Variants in FAIM2 observed in about 807,000 individuals in gnomAD.
The protein encoded by FAIM2 is protein lifeguard 2.
In FAIM2, 27 loss-of-function variants were observed where a neutral mutation model predicts 47.4. The observed-to-expected ratio is 0.57, with a 90% CI of 0.42 to 0.78. The LOEUF (loss-of-function observed/expected upper bound fraction) is 0.78. FAIM2 is among the 30% of genes least tolerant of loss of function. The pLI is 0.00. For missense variants in FAIM2, 311 were observed against 389.4 expected (o/e 0.80, Z 1.69); for synonymous variants, 156 against 159.3 (o/e 0.98, Z 0.16).
chr12:49,900,955 G>C (rs1308418686), intron 2 of FAIM2, among the ~76,000 whole-genome samples, 175 bp downstream of exon 2: 1 of 152,122 alleles, frequency 6.6e-6, no homozygotes, highest in Non-Finnish European at 1.5e-5. Flanking sequence ...TGTTTTCATG[G>C]AGTTGTCTCT....
intron 8 of FAIM2, 54 bp downstream of exon 8, chr12:49,890,063 C>T: frequency 6.3e-7 from 1 of 1,575,662 alleles, no homozygotes; most frequent in Non-Finnish European, 8.7e-7. Context: ...GTGGCTGGTG[C>T]CTGGCTCCAA....
In FAIM2 at chr12:49,897,901, C is replaced by T. The variant is rs1946950487; in HGVS notation, c.315+86G>A. The T allele has an allele frequency of 2.4e-5, 25 of 1,027,820 alleles. No homozygotes were observed. In the South Asian group the frequency reaches 3.1e-4, roughly 13 times the overall value. The allele number at this position is 1,027,820 out of a possible 1,614,324, so 63.7% of individuals were successfully genotyped here. On this transcript the variant is annotated intron_variant, in intron 3 of 11. Coordinates refer to ENST00000320634, the MANE Select transcript of FAIM2 (RefSeq NM_012306.4). ...CAAGAGAAGGGGGCAGGGATGGCTT[C>T]TGCAGGCAGAGGGTTGGGCCAGGGA...
Position 49,878,724 on chromosome 12 carries a change from C to G in FAIM2, c.802-8071G>C, listed in dbSNP as rs1306889856. Among the ~76,000 whole-genome samples, 77 of 83,198 alleles carry G rather than the reference C, an allele frequency of 9.3e-4. 7 individuals are homozygous for G. The highest frequency in any genetic ancestry group is 5.7e-3 in the African/African-American group (74 of 12,886). The allele number at this position is 83,198 out of a possible 152,430, so 54.6% of individuals were successfully genotyped here. On this transcript the variant is annotated intron_variant, in intron 11 of 11. Transcript: ENST00000320634. The stretch of plus-strand genomic sequence containing the variant: ...CATGTGTGCATATATGCGTGTGTGT[C>G]TGTGTGCATGTGAGTGTATATGCAT...
At chr12:49,875,434 G>C (rs1946729635) in intron 11 of FAIM2, among the ~76,000 whole-genome samples, 3 of 152,106 alleles carry the variant, frequency 2.0e-5, no homozygotes, top group Non-Finnish European at 4.4e-5. Context: ...AGGGTGAGGG[G>C]GTGAGGGAGT....
chr12:49,894,976 T>C (rs1946925743), intron 5 of FAIM2, among the ~76,000 whole-genome samples: 2 of 152,072 alleles, frequency 1.3e-5, no homozygotes, highest in South Asian at 4.2e-4. Context: ...GAGCACATGA[T>C]GTGTTGCAGG....
chr12:49,867,704 G>C lies in FAIM2; in HGVS notation c.*2800C>G, dbSNP rs1008722888. 6.6e-6 allele frequency: 1 copy of C among 152,274 alleles called. No homozygotes were observed. The highest frequency in any genetic ancestry group is 2.4e-5 in the African/African-American group (1 of 41,434). 9.4% of individuals were successfully genotyped at this position (152,274 alleles called of 1,614,324 possible). On this transcript the variant is annotated 3_prime_UTR_variant, in exon 12 of 12. Coordinates refer to ENST00000320634, the MANE Select transcript of FAIM2 (RefSeq NM_012306.4). ...AGGCCAAAAATGTGAAGGGCCTGCA[G>C]ACTCCCTTCCTCCTTTACAGCTTGT...
In FAIM2 at chr12:49,901,319, C is replaced by T. The variant is rs768120771; in HGVS notation, c.22G>A (p.Val8Met). The T allele has an allele frequency of 9.5e-6, 15 of 1,585,458 alleles. No homozygotes were observed. The highest frequency in any genetic ancestry group is 7.0e-5 in the East Asian group (3 of 42,836). MTQGKLSVANKAPGTEGQ... is the reference protein window; with the variant it reads MTQGKLSMANKAPGTEGQ... ...TCGGTCCCAGGGGCCTTGTTAGCCA[C>T]GGAGAGCTATGGAGTAGAGTCAGAG... The change falls in exon 2 of 12, where the codon GTG (valine) becomes ATG (methionine). Residue 8 changes from valine to methionine, a missense_variant. Coordinates refer to ENST00000320634, the MANE Select transcript of FAIM2 (RefSeq NM_012306.4).
intron 11 of FAIM2, among the ~76,000 whole-genome samples, chr12:49,882,173 G>A (rs1946830555): frequency 6.6e-6 from 1 of 152,226 alleles, no homozygotes; most frequent in Non-Finnish European, 1.5e-5. Flanking sequence ...CTGCTCAGCT[G>A]CAGGGCTGGG....
chr12:49,891,285 G>A (rs1174823385), intron 5 of FAIM2, among the ~76,000 whole-genome samples, 171 bp from the exon 6 acceptor site: 1 of 152,122 alleles, frequency 6.6e-6, no homozygotes, highest in Non-Finnish European at 1.5e-5. Context: ...TGGTGGTCCA[G>A]TTCCAAAAGA....
At chr12:49,891,149 C>G in intron 5 of FAIM2, 35 bp from the exon 6 acceptor site, 1 of 1,602,130 alleles carries the variant, frequency 6.2e-7, no homozygotes, top group Non-Finnish European at 8.6e-7. Flanking sequence ...AGTCAGCCAG[C>G]CTCTCCTGGG....
At chr12:49,897,671 C>G in intron 3 of FAIM2, 88 bp from the exon 4 acceptor site, 1 of 938,274 alleles carries the variant, frequency 1.1e-6, no homozygotes, top group Non-Finnish European at 1.7e-6. Flanking sequence ...CTCCAGGTCC[C>G]CATCCTGTGC....
At chr12:49,885,891 G>A (rs1565616603) in intron 11 of FAIM2, among the ~76,000 whole-genome samples, 1 of 152,142 alleles carries the variant, frequency 6.6e-6, no homozygotes, top group Non-Finnish European at 1.5e-5. Flanking sequence ...CACAGTAGGT[G>A]CTCTATAAAG....
chr12:49,887,906 GT>G (rs2137096890), intron 10 of FAIM2, among the ~76,000 whole-genome samples: 1 of 152,302 alleles, frequency 6.6e-6, no homozygotes, highest in East Asian at 1.9e-4. Context: ...TCAGGGGTGT[GT>G]TGGGGGGGCA....
At chr12:49,887,280 C>T (rs1011508368) in intron 11 of FAIM2, 106 bp downstream of exon 11, 29 of 1,060,560 alleles carry the variant, frequency 2.7e-5, no homozygotes, top group Non-Finnish European at 8.5e-6. Context: ...CAGGTGCTCC[C>T]GAGGATCCAG....
chr12:49,898,236 C>T (rs570541795), intron 2 of FAIM2, 146 bp from the exon 3 acceptor site: 2 of 647,886 alleles, frequency 3.1e-6, no homozygotes, highest in East Asian at 2.8e-5. Flanking sequence ...TATCAAACAC[C>T]CAGCCCGGCT....
intron 11 of FAIM2, among the ~76,000 whole-genome samples, chr12:49,882,531 G>A (rs956641204): frequency 6.6e-6 from 1 of 152,194 alleles, no homozygotes; most frequent in Non-Finnish European, 1.5e-5. Context: ...GGAGCCAGGG[G>A]AACTGGCCCC....
chr12:49,895,887 G>A (rs917948601), intron 5 of FAIM2, among the ~76,000 whole-genome samples: 5 of 152,202 alleles, frequency 3.3e-5, no homozygotes, highest in Non-Finnish European at 2.9e-5. Flanking sequence ...ACCCCACGAG[G>A]CCCCACTGCT....
At chr12:49,894,760 C>G (rs1592793336) in intron 5 of FAIM2, among the ~76,000 whole-genome samples, 1 of 152,134 alleles carries the variant, frequency 6.6e-6, no homozygotes, top group African/African-American at 2.4e-5. Flanking sequence ...GGATTTCTAC[C>G]CTGGTTATGC....
rs1296320066 is a variant in FAIM2 at position 49,868,476 on chromosome 12, G to A, written c.*2028C>T. 5 of 152,214 alleles carry A rather than the reference G, an allele frequency of 3.3e-5. No individual in the cohort carries two copies. Among genetic ancestry groups the A allele is most frequent in the Non-Finnish European group, 7.3e-5 (5 of 68,056 alleles). 9.4% of individuals were successfully genotyped at this position (152,214 alleles called of 1,614,324 possible). ...TAGAAACCTCAGAGTGCAAAATCTG[G>A]CGAGGGGTTTCAGGAAAGACGGGAG... is the stretch of plus-strand genomic sequence containing the variant. On this transcript the variant is annotated 3_prime_UTR_variant, in exon 12 of 12. Transcript: ENST00000320634.
Sources: gnomAD v4.1 joint callset for allele counts (sites outside exome capture counted in the v4.1 genomes callset) on GRCh38, gnomAD v4.1.1 for gene constraint, MANE v1.5 for transcripts, NCBI Gene and HGNC (gene_info 2026-07-23, HGNC 2026-07-21) for gene names.